The following DPAGT1 variants were observed in gnomAD, a reference collection of about 807,000 sequenced individuals.
DPAGT1 encodes UDP-N-acetylglucosamine--dolichyl-phosphate N-acetylglucosaminephosphotransferase.
DPAGT1 carries 25 observed loss-of-function variants against 39.3 expected under a neutral mutation model. The ratio of observed to expected loss-of-function variants is 0.64; its 90% CI spans 0.46 to 0.89. The LOEUF (loss-of-function observed/expected upper bound fraction) is 0.89, where lower values mean the gene tolerates loss of function less well. Among genes scored for constraint, DPAGT1 ranks in the 40% least tolerant of loss-of-function variants. The probability of loss-of-function intolerance (pLI) is 0.00; values close to 1 mark genes in which losing one functional copy is unlikely to be tolerated. For synonymous variants in DPAGT1, 193 were observed against 201.4 expected, an observed-to-expected ratio of 0.96 and a Z score of 0.36; for missense variants, 381 against 500.6, an observed-to-expected ratio of 0.76 and a Z score of 2.28.
intron 4 of DPAGT1, among the ~76,000 whole-genome samples, chr11:119,099,072 A>G (rs1946447928): frequency 6.6e-6 from 1 of 152,144 alleles, no homozygotes; most frequent in Admixed American, 6.6e-5. Context: ...TGTTTTGGGT[A>G]TTTTGGGAGA....
intron 5 of DPAGT1, 103 bp downstream of exon 5, chr11:119,098,299 GA>G: frequency 7.6e-7 from 1 of 1,313,314 alleles, no homozygotes; most frequent in Non-Finnish European, 1.1e-6. Flanking sequence ...AAACTCCATA[GA>G]GGTATGCGCA....
downstream of DPAGT1, chr11:119,094,768 C>G: frequency 1.7e-6 from 1 of 592,934 alleles, no homozygotes; most frequent in South Asian, 2.3e-5. Context: ...CGGTGCGGGA[C>G]GGGAGCGGGG....
chr11:119,101,844 C>T lies in DPAGT1; in HGVS notation c.-189G>A. Reference sequence around the variant, plus strand: ...ACACCGGGGAACCTCTCTAAGGCAACCTATGTTCTGCCCCGCTGCACCCGC... The same window carrying T: ...ACACCGGGGAACCTCTCTAAGGCAATCTATGTTCTGCCCCGCTGCACCCGC... On this transcript the variant is annotated 5_prime_UTR_variant, in exon 1 of 9. Transcript: ENST00000354202. The T allele has an allele frequency of 6.8e-7, 1 of 1,463,046 alleles. No individual in the cohort carries two copies. The highest frequency in any genetic ancestry group is 9.0e-7 in the Non-Finnish European group (1 of 1,109,462). 90.6% of individuals were successfully genotyped at this position (1,463,046 alleles called of 1,614,324 possible).
rs773799067 is a variant in DPAGT1 at position 119,101,500 on chromosome 11, C to T, written c.156G>A (p.Gln52=). ...CGQDLNKTSR[Q]QIPESQGVIS... Reference sequence around the variant, plus strand: ...ACCCGTGTGCCGCTGCTCACATCTGCTGTCGGCTGGTTTTGTTGAGGTCCT... The same window carrying T: ...ACCCGTGTGCCGCTGCTCACATCTGTTGTCGGCTGGTTTTGTTGAGGTCCT... Residue 52 remains glutamine (Q), a synonymous_variant, in exon 1 of 9, where the codon CAG becomes CAA. Coordinates refer to ENST00000354202, the MANE Select transcript of DPAGT1 (RefSeq NM_001382.4). The T allele has an allele frequency of 6.2e-7, 1 of 1,614,110 alleles. No individual in the cohort carries two copies. Among genetic ancestry groups the T allele is most frequent in the South Asian group, 1.1e-5 (1 of 91,084 alleles).
intron 4 of DPAGT1, among the ~76,000 whole-genome samples, chr11:119,099,467 C>A (rs28430975): frequency 1.0e-4 from 15 of 149,992 alleles, no homozygotes; most frequent in African/African-American, 3.4e-4. Flanking sequence ...AAGAGTAATT[C>A]TATGATCAAG....
chr11:119,098,223 C>A, intron 5 of DPAGT1, 180 bp from the exon 6 acceptor site: 1 of 1,079,176 alleles, frequency 9.3e-7, no homozygotes, highest in East Asian at 2.4e-5. Context: ...GGGGCCTCCA[C>A]GCACTCATCC....
At chr11:119,100,173 G>A in intron 4 of DPAGT1, 89 bp downstream of exon 4, 1 of 1,585,388 alleles carries the variant, frequency 6.3e-7, no homozygotes, top group South Asian at 1.1e-5. Flanking sequence ...TATGCATATT[G>A]CTTTTTTCCC....
Position 119,100,114 on chromosome 11 carries a change from T to C in DPAGT1, c.643+148A>G, listed in dbSNP as rs1276783240. Reference sequence around the variant, plus strand: ...TTTTCTTTCTCACTTTTAATAAATCTGCATTGTTATTTGCAAAGTAAGTAG... The same window carrying C: ...TTTTCTTTCTCACTTTTAATAAATCCGCATTGTTATTTGCAAAGTAAGTAG... On this transcript the variant is annotated intron_variant, in intron 4 of 8. Transcript: ENST00000354202. 2.3e-6 allele frequency: 3 copies of C among 1,284,142 alleles called. No homozygotes were observed. In the Admixed American group the frequency reaches 5.2e-5, roughly 22 times the overall value. The allele number at this position is 1,284,142 out of a possible 1,614,324, so 79.5% of individuals were successfully genotyped here. A position where few individuals can be genotyped will look rare whatever the true frequency, so the allele number is the denominator to read the frequency against.
At position 119,096,929 on chromosome 11, in the gene DPAGT1, C is replaced by T. The variant is rs1371633813; in HGVS notation, c.*69G>A. On this transcript the variant is annotated 3_prime_UTR_variant, in exon 9 of 9. Transcript: ENST00000354202. ...GCCTGGGCAAGGAGGCAGTCTGGGA[C>T]CAGAGAGAGAGGTCAGCCTGAGTCA... 5.7e-6 allele frequency: 9 copies of T among 1,570,986 alleles called. No homozygotes were observed. The highest frequency in any genetic ancestry group is 7.9e-6 in the Non-Finnish European group (9 of 1,145,616).
chr11:119,098,972 T>C (rs1050760282), intron 4 of DPAGT1, among the ~76,000 whole-genome samples: 2 of 152,206 alleles, frequency 1.3e-5, no homozygotes, highest in Non-Finnish European at 2.9e-5. Flanking sequence ...AATGACTTGT[T>C]GTAAAAAGGG....
At chr11:119,099,223 G>A (rs1277469124) in intron 4 of DPAGT1, among the ~76,000 whole-genome samples, 2 of 151,926 alleles carry the variant, frequency 1.3e-5, no homozygotes, top group East Asian at 1.9e-4. Context: ...TCAGGAGTTC[G>A]AGACCAGCCT....
downstream of DPAGT1, chr11:119,096,392 C>A (rs1946394330): frequency 6.1e-6 from 1 of 165,286 alleles, no homozygotes. Flanking sequence ...CTGTTCACTT[C>A]TTGTTAGACG....
In DPAGT1 at chr11:119,096,529, T is replaced by C. The variant is rs1209522830; in HGVS notation, c.*469A>G. The stretch of plus-strand genomic sequence containing the variant: ...AAACAATAAGAAAAAGACAACACTT[T>C]ATTGTCTCCATTGAGAGCATGTGGC... On this transcript the variant is annotated 3_prime_UTR_variant, in exon 9 of 9. Transcript: ENST00000354202. 9.5e-6 allele frequency: 2 copies of C among 210,528 alleles called. No homozygotes were observed. The highest frequency in any genetic ancestry group is 1.9e-5 in the Non-Finnish European group (2 of 102,776). The allele number at this position is 210,528 out of a possible 1,614,324, so 13.0% of individuals were successfully genotyped here. A position where few individuals can be genotyped will look rare whatever the true frequency, so the allele number is the denominator to read the frequency against.
chr11:119,096,395 G>A (rs1483094810), downstream of DPAGT1: 1 of 165,792 alleles, frequency 6.0e-6, no homozygotes, highest in African/African-American at 2.4e-5. Context: ...TTCACTTCTT[G>A]TTAGACGGGG....
chr11:119,101,184 G>A (rs771152371), intron 1 of DPAGT1, 46 bp from the exon 2 acceptor site: 5 of 1,612,320 alleles, frequency 3.1e-6, no homozygotes, highest in Non-Finnish European at 4.2e-6. Context: ...GAAAGGGGGC[G>A]TGGTCACTCA....
chr11:119,100,730 G>A lies in DPAGT1; in HGVS notation c.396C>T (p.Ala132=). The A allele has an allele frequency of 6.2e-7, 1 of 1,614,168 alleles. No homozygotes were observed. Among genetic ancestry groups the A allele is most frequent in the Non-Finnish European group, 8.5e-7 (1 of 1,180,032 alleles). ...WRHKLLLPTA[A]SLPLLMVYFT... ...AATAGACCATGAGGAGAGGTAGTGA[G>A]GCAGCTGTAGGTAGCAGCAGCTTAT... The change falls in exon 3 of 9, where the codon GCC becomes GCT. Residue 132 remains alanine, a synonymous_variant. Coordinates refer to ENST00000354202, the MANE Select transcript of DPAGT1 (RefSeq NM_001382.4).
Position 119,098,756 on chromosome 11 carries a change from A to C in DPAGT1, c.644-269T>G, listed in dbSNP as rs113244809. On this transcript the variant is annotated intron_variant, in intron 4 of 8. Transcript: ENST00000354202. The stretch of plus-strand genomic sequence containing the variant: ...ACCAACTTTACTTCTTAGCTTTGTG[A>C]CCTTGATCTTGATCATGACACATTT... Among the ~76,000 whole-genome samples the C allele has an allele frequency of 2.4e-4, 37 of 152,282 alleles. 1 individual carries two copies. The highest frequency in any genetic ancestry group is 6.8e-3 in the Middle Eastern group (2 of 294).
downstream of DPAGT1, chr11:119,095,526 T>C (rs1437963753): frequency 9.9e-7 from 1 of 1,006,168 alleles, no homozygotes; most frequent in African/African-American, 1.7e-5. Flanking sequence ...TGCGCCCTCC[T>C]GATTGGCTCT....
In DPAGT1 at chr11:119,100,741, G is replaced by A; in HGVS notation, c.385C>T (p.Pro129Ser). 6.2e-7 allele frequency: 1 copy of A among 1,614,168 alleles called. No homozygotes were observed. Among genetic ancestry groups the A allele is most frequent in the Non-Finnish European group, 8.5e-7 (1 of 1,180,038 alleles). ...NLRWRHKLLLPTAASLPLLMV... is the reference protein window; with the variant it reads ...NLRWRHKLLLSTAASLPLLMV... ...AGGAGAGGTAGTGAGGCAGCTGTAG[G>A]TAGCAGCAGCTTATGGCGCCAGCGC... Residue 129 changes from proline (P) to serine (S), a missense_variant, in exon 3 of 9, where the codon CCT becomes TCT. Coordinates refer to ENST00000354202, the MANE Select transcript of DPAGT1 (RefSeq NM_001382.4).
Sources: gnomAD v4.1 joint callset for allele counts (sites outside exome capture counted in the v4.1 genomes callset) on GRCh38, gnomAD v4.1.1 for gene constraint, MANE v1.5 for transcripts, NCBI Gene and HGNC (gene_info 2026-07-23, HGNC 2026-07-21) for gene names.